ANO5: variants seen among roughly 807,000 people sequenced by gnomAD.
ANO5 encodes anoctamin 5.
A neutral mutation model predicts 121.0 loss-of-function variants in ANO5; 109 were observed. That is an observed-to-expected ratio of 0.90 (90% confidence interval 0.77 to 1.06). ANO5 has a LOEUF of 1.06. ANO5 is among the 50% of genes least tolerant of loss of function. The pLI, the probability that ANO5 is intolerant of heterozygous loss-of-function variation, is 0.00. For missense variants in ANO5, 1,064 were observed against 1,078.5 expected, an observed-to-expected ratio of 0.99 and a Z score of 0.19; for synonymous variants, 406 against 359.9, an observed-to-expected ratio of 1.13 and a Z score of -1.45.
intron 7 of ANO5, among the ~76,000 whole-genome samples, 155 bp downstream of exon 7, chr11:22,227,741 A>G (rs1436488901): frequency 6.6e-6 from 1 of 152,138 alleles, no homozygotes; most frequent in African/African-American, 2.4e-5. Context: ...AAGTCTAATT[A>G]GACCACATAA....
intron 4 of ANO5, among the ~76,000 whole-genome samples, chr11:22,219,017 T>C (rs1448298068): frequency 6.6e-6 from 1 of 152,104 alleles, no homozygotes; most frequent in African/African-American, 2.4e-5. Flanking sequence ...ATATTATGTT[T>C]TGAGCAAAAC....
intron 17 of ANO5, among the ~76,000 whole-genome samples, chr11:22,269,141 GAGAAA>G (rs1372621770): frequency 6.8e-6 from 1 of 148,022 alleles, no homozygotes; most frequent in African/African-American, 2.5e-5. Flanking sequence ...GAAAGGAAGG[GAGAAA>G]GGAAAGGAAA....
chr11:22,218,236 T>A lies in ANO5; in HGVS notation c.139-10T>A. 1 of 1,613,360 alleles carries A rather than the reference T, an allele frequency of 6.2e-7. No individual in the cohort carries two copies. The highest frequency in any genetic ancestry group is 1.1e-5 in the South Asian group (1 of 91,074). On this transcript the variant is annotated splice_polypyrimidine_tract_variant and intron_variant, in intron 3 of 21. Coordinates refer to ENST00000324559, the MANE Select transcript of ANO5 (RefSeq NM_213599.3). ...CAGGAAGTGCTAATTCTTTATTGGT[T>A]GCTTCACAGCCTGCAAAGCGATTCA...
At chr11:22,235,580 TA>T in intron 7 of ANO5, among the ~76,000 whole-genome samples, 1 of 152,116 alleles carries the variant, frequency 6.6e-6, no homozygotes, top group South Asian at 2.1e-4. Context: ...TGTTGGAAGA[TA>T]AAAAGCAGAT....
chr11:22,201,917 A>G (rs1233193059), intron 1 of ANO5, among the ~76,000 whole-genome samples: 2 of 152,174 alleles, frequency 1.3e-5, no homozygotes, highest in Non-Finnish European at 2.9e-5. Context: ...AGCAGAGAGC[A>G]TTCCTTACAG....
chr11:22,200,540 C>T (rs1464745659), intron 1 of ANO5, among the ~76,000 whole-genome samples: 2 of 152,208 alleles, frequency 1.3e-5, no homozygotes, highest in African/African-American at 4.8e-5. Flanking sequence ...TTATCAAGGA[C>T]ATTTTTAAGT....
intron 9 of ANO5, among the ~76,000 whole-genome samples, chr11:22,244,725 A>G (rs908514998): frequency 2.0e-5 from 3 of 151,966 alleles, no homozygotes; most frequent in African/African-American, 7.3e-5. Context: ...CTTCCATTCC[A>G]GAAGTTCAGT....
intron 14 of ANO5, among the ~76,000 whole-genome samples, chr11:22,259,246 C>G (rs1204938021): frequency 6.6e-6 from 1 of 152,100 alleles, no homozygotes; most frequent in Non-Finnish European, 1.5e-5. Flanking sequence ...GTTTGCCACT[C>G]CCTACTAGAG....
At chr11:22,245,397 T>C (rs920595696) in intron 9 of ANO5, among the ~76,000 whole-genome samples, 1 of 152,212 alleles carries the variant, frequency 6.6e-6, no homozygotes, top group African/African-American at 2.4e-5. Context: ...TGTGATCTGA[T>C]ATGATTTATA....
chr11:22,275,592 C>T (rs1008925602), intron 20 of ANO5, among the ~76,000 whole-genome samples: 9 of 151,740 alleles, frequency 5.9e-5, no homozygotes, highest in Non-Finnish European at 1.5e-5. Flanking sequence ...CAAAGTTGAA[C>T]ATTAAGAAAA....
intron 7 of ANO5, among the ~76,000 whole-genome samples, chr11:22,234,071 T>C (rs553276017): frequency 6.6e-6 from 1 of 152,262 alleles, no homozygotes; most frequent in Admixed American, 6.6e-5. Context: ...CATTGAAAAC[T>C]GCTTTTGTCT....
At chr11:22,212,885 G>A (rs537119427) in intron 3 of ANO5, among the ~76,000 whole-genome samples, 12 of 149,692 alleles carry the variant, frequency 8.0e-5, no homozygotes, top group South Asian at 4.2e-4. Context: ...CTCCTTGCCT[G>A]TACAGAAGTT....
intron 9 of ANO5, among the ~76,000 whole-genome samples, chr11:22,245,771 A>T (rs1199287931): frequency 6.6e-6 from 1 of 152,056 alleles, no homozygotes; most frequent in Non-Finnish European, 1.5e-5. Context: ...GTCTGTAGAC[A>T]CCTTTCTGCA....
chr11:22,219,978 C>T (rs1346909384), intron 4 of ANO5, among the ~76,000 whole-genome samples: 2 of 149,900 alleles, frequency 1.3e-5, no homozygotes, highest in Admixed American at 6.7e-5. Flanking sequence ...TGAGACACAT[C>T]AGCTTTGCAT....
At chr11:22,268,597 C>T (rs1854455989) in intron 17 of ANO5, among the ~76,000 whole-genome samples, 1 of 152,140 alleles carries the variant, frequency 6.6e-6, no homozygotes, top group Non-Finnish European at 1.5e-5. Flanking sequence ...CCTTTATTTC[C>T]AAATATTTTG....
intron 7 of ANO5, among the ~76,000 whole-genome samples, chr11:22,234,285 C>T (rs901526568): frequency 6.6e-6 from 1 of 152,070 alleles, no homozygotes; most frequent in African/African-American, 2.4e-5. Flanking sequence ...GCATGGTCTG[C>T]TGCTGTAGGT....
Position 22,193,321 on chromosome 11 carries a change from G to GGAGGAGGGGAAGGAGGAGGGGAAT in ANO5, c.-165_-164insGGAAGGAGGAGGGGAATGAGGAGG. 3.1e-6 allele frequency: 1 copy of GGAGGAGGGGAAGGAGGAGGGGAAT among 320,368 alleles called. No individual in the cohort carries two copies. The highest frequency in any genetic ancestry group is 4.3e-6 in the Non-Finnish European group (1 of 235,200). The allele number at this position is 320,368 out of a possible 1,614,324, so 19.8% of individuals were successfully genotyped here. ...GGCGCCCAGAGACGGTGGAGTCCGA[G>GGAGGAGGGGAAGGAGGAGGGGAAT]GAGGAGGAGAAGGAGGCCTGCAGAA... On this transcript the variant is annotated 5_prime_UTR_variant, in exon 1 of 22. It adds an upstream start codon to the 5' untranslated region. Transcript: ENST00000324559.
chr11:22,199,663 C>A (rs1174374576), intron 1 of ANO5, among the ~76,000 whole-genome samples: 1 of 151,840 alleles, frequency 6.6e-6, no homozygotes, highest in African/African-American at 2.4e-5. Context: ...GTGCATTGTT[C>A]TACTTTAAAA....
At chr11:22,207,842 A>G (rs927484369) in intron 2 of ANO5, among the ~76,000 whole-genome samples, 1 of 152,032 alleles carries the variant, frequency 6.6e-6, no homozygotes, top group African/African-American at 2.4e-5. Context: ...TTTACAAGAA[A>G]AAATGCCCAG....
Sources: gnomAD v4.1 joint callset for allele counts (sites outside exome capture counted in the v4.1 genomes callset) on GRCh38, gnomAD v4.1.1 for gene constraint, MANE v1.5 for transcripts, NCBI Gene and HGNC (gene_info 2026-07-23, HGNC 2026-07-21) for gene names.